The following CACNA1A variants were observed in gnomAD, a reference collection of about 807,000 sequenced individuals.
CACNA1A encodes the protein calcium voltage-gated channel subunit alpha1 A, also known as voltage-dependent P/Q-type calcium channel subunit alpha-1A.
In CACNA1A, 57 loss-of-function variants were observed where a neutral mutation model predicts 262.4. The observed-to-expected ratio is 0.22, with a 90% CI of 0.18 to 0.27. The LOEUF (loss-of-function observed/expected upper bound fraction) is 0.27, where lower values mean the gene tolerates loss of function less well. Among genes scored for constraint, CACNA1A ranks in the 10% least tolerant of loss-of-function variants. The pLI, the probability that CACNA1A is intolerant of heterozygous loss-of-function variation, is 1.00. For synonymous variants in CACNA1A, 1,431 were observed against 1,419.3 expected (o/e 1.01, Z -0.18); for missense variants, 2,526 against 3,562.8 (o/e 0.71, Z 7.41).
At chr19:13,420,251 G>C (rs950994728) in intron 3 of CACNA1A, among the ~76,000 whole-genome samples, 6 of 151,352 alleles carry the variant, frequency 4.0e-5, no homozygotes, top group Admixed American at 3.3e-4. Flanking sequence ...GCACAGAAAG[G>C]CTCGCTCTCT....
chr19:13,247,149 C>T (rs558212811), intron 30 of CACNA1A, among the ~76,000 whole-genome samples: 6 of 152,316 alleles, frequency 3.9e-5, no homozygotes, highest in Admixed American at 1.3e-4. Context: ...TCAGCATCTT[C>T]GCAGAAGCAG....
At chr19:13,358,600 T>C (rs986616902) in intron 6 of CACNA1A, among the ~76,000 whole-genome samples, 1 of 152,274 alleles carries the variant, frequency 6.6e-6, no homozygotes, top group South Asian at 2.1e-4. Context: ...ATTGCATAAA[T>C]AAACATTGGA....
chr19:13,378,118 G>A (rs1209753618), intron 3 of CACNA1A, among the ~76,000 whole-genome samples: 1 of 152,200 alleles, frequency 6.6e-6, no homozygotes, highest in Non-Finnish European at 1.5e-5. Flanking sequence ...TTCACTGGAG[G>A]AAGACACTGC....
rs772148434 is a variant in CACNA1A, at chr19:13,261,473, G to A, written c.4227C>T (p.Ser1409=). 1.1e-5 allele frequency: 18 copies of A among 1,579,822 alleles called. No individual in the cohort carries two copies. The East Asian group carries it at 4.1e-4, about 36-fold the overall frequency. The part of the protein sequence containing the change: ...KGKFFHCTDE[S]KEFEKDCRGK... Reference sequence around the variant, plus strand: ...ACCGACAATCTTTCTCAAACTCTTTGGACTCGTCAGTGCAGTGGAAGAATT... The same window carrying A: ...ACCGACAATCTTTCTCAAACTCTTTAGACTCGTCAGTGCAGTGGAAGAATT... The change falls in exon 26 of 47, where the codon TCC becomes TCT. Residue 1409 remains serine (S), a synonymous_variant. Coordinates refer to ENST00000360228, the MANE Select transcript of CACNA1A (RefSeq NM_001127222.2).
At chr19:13,217,338 G>A (rs1316584279) in intron 38 of CACNA1A, among the ~76,000 whole-genome samples, 2 of 152,152 alleles carry the variant, frequency 1.3e-5, no homozygotes, top group Non-Finnish European at 2.9e-5. Context: ...TCTGAAGAAT[G>A]AGGTTAATCT....
chr19:13,255,799 CCTT>C (rs1281092722), intron 28 of CACNA1A, among the ~76,000 whole-genome samples: 42 of 134,934 alleles, frequency 3.1e-4, no homozygotes, highest in African/African-American at 9.7e-4. Context: ...CTCCCTCCCT[CCTT>C]CACTTTCCTT....
At chr19:13,459,843 C>T (rs1158169488) in intron 1 of CACNA1A, among the ~76,000 whole-genome samples, 1 of 152,124 alleles carries the variant, frequency 6.6e-6, no homozygotes, top group Non-Finnish European at 1.5e-5. Flanking sequence ...CCCAGAAGTC[C>T]ACCATGCAGC....
intron 10 of CACNA1A, among the ~76,000 whole-genome samples, chr19:13,324,058 T>C (rs2058306664): frequency 6.6e-6 from 1 of 152,156 alleles, no homozygotes; most frequent in African/African-American, 2.4e-5. Flanking sequence ...TATACAGCCC[T>C]AAAAGAAAGA....
intron 17 of CACNA1A, among the ~76,000 whole-genome samples, chr19:13,302,543 A>G (rs2057807742): frequency 6.6e-6 from 1 of 152,242 alleles, no homozygotes; most frequent in Non-Finnish European, 1.5e-5. Flanking sequence ...TGTAGGATCA[A>G]TGAAAGAAAG....
At chr19:13,340,316 T>C (rs1284282101) in intron 6 of CACNA1A, among the ~76,000 whole-genome samples, 1 of 152,026 alleles carries the variant, frequency 6.6e-6, no homozygotes, top group Non-Finnish European at 1.5e-5. Context: ...CAGACACACG[T>C]GGAGGCTTGG....
At chr19:13,346,662 ATATATTTTTTTTTTTTTTT>A (rs2058791503) in intron 6 of CACNA1A, among the ~76,000 whole-genome samples, 1 of 5,774 alleles carries the variant, frequency 1.7e-4, no homozygotes, top group African/African-American at 9.0e-4. Context: ...ATATATATAT[ATATATTTTTTTTTTTTTTT>A]TTTTTTTTTT....
At chr19:13,351,002 C>T (rs1226732167) in intron 6 of CACNA1A, among the ~76,000 whole-genome samples, 1 of 152,116 alleles carries the variant, frequency 6.6e-6, no homozygotes, top group African/African-American at 2.4e-5. Flanking sequence ...CCCCAAAAAA[C>T]TGGGATTAGG....
chr19:13,266,126 G>T (rs1419708213), intron 24 of CACNA1A, among the ~76,000 whole-genome samples: 1 of 152,168 alleles, frequency 6.6e-6, no homozygotes, highest in Non-Finnish European at 1.5e-5. Flanking sequence ...TTATAGGTGT[G>T]AGCCACCATG....
chr19:13,397,002 C>A (rs995101826), intron 3 of CACNA1A, among the ~76,000 whole-genome samples: 16 of 152,216 alleles, frequency 1.1e-4, no homozygotes, highest in Admixed American at 1.3e-4. Context: ...CTGAGGACCT[C>A]AAACAGCCGT....
At chr19:13,402,795 TAC>T (rs1028237262) in intron 3 of CACNA1A, among the ~76,000 whole-genome samples, 3 of 126,190 alleles carry the variant, frequency 2.4e-5, no homozygotes, top group African/African-American at 3.7e-5. Context: ...TATACATATA[TAC>T]ACACATATAT....
chr19:13,324,152 T>C (rs2058308154), intron 10 of CACNA1A, among the ~76,000 whole-genome samples: 1 of 152,078 alleles, frequency 6.6e-6, no homozygotes. Flanking sequence ...ACAATTACAG[T>C]ATGATCTCAC....
intron 31 of CACNA1A, among the ~76,000 whole-genome samples, chr19:13,240,788 CTGAG>C (rs147194474): frequency 0.072 from 10,811 of 151,028 alleles, 422 homozygotes; most frequent in South Asian, 0.15. Flanking sequence ...TGCGCAGTGA[CTGAG>C]TGTGTGCACA....
At chr19:13,359,514 C>G (rs2059064958) in intron 6 of CACNA1A, 92 bp downstream of exon 6, 1 of 980,624 alleles carries the variant, frequency 1.0e-6, no homozygotes, top group Non-Finnish European at 1.6e-6. Flanking sequence ...AGCTCAGGGT[C>G]CCTCCATTGC....
chr19:13,370,620 G>A (rs1284539067), intron 4 of CACNA1A, among the ~76,000 whole-genome samples: 3 of 148,690 alleles, frequency 2.0e-5, no homozygotes, highest in South Asian at 4.2e-4. Context: ...ACAGGGTTTC[G>A]CCATGTTGCC....
Sources: gnomAD v4.1 joint callset for allele counts (sites outside exome capture counted in the v4.1 genomes callset) on GRCh38, gnomAD v4.1.1 for gene constraint, MANE v1.5 for transcripts, NCBI Gene and HGNC (gene_info 2026-07-23, HGNC 2026-07-21) for gene names.